MED26: variants seen among roughly 807,000 people sequenced by gnomAD.
MED26 encodes the protein mediator complex subunit 26.
Under a neutral mutation model 43.7 loss-of-function variants are expected in MED26, and 7 were observed. That is an observed-to-expected ratio of 0.16 (90% CI 0.09 to 0.30). MED26 has a LOEUF of 0.30. Ranked by LOEUF, MED26 falls within the 10% of genes least tolerant of loss-of-function variation. MED26 has a pLI of 1.00. For missense variants in MED26, 784 were observed against 840.6 expected, an observed-to-expected ratio of 0.93 and a Z score of 0.83; for synonymous variants, 375 against 371.1, an observed-to-expected ratio of 1.01 and a Z score of -0.12.
At chr19:16,595,315 G>A (rs1599338070) in intron 1 of MED26, among the ~76,000 whole-genome samples, 1 of 152,164 alleles carries the variant, frequency 6.6e-6, no homozygotes, top group Non-Finnish European at 1.5e-5. Context: ...TGTGCTGACC[G>A]AGCACACCGA....
At chr19:16,580,385 T>C (rs2086038692) in intron 1 of MED26, among the ~76,000 whole-genome samples, 2 of 152,030 alleles carry the variant, frequency 1.3e-5, no homozygotes, top group Non-Finnish European at 2.9e-5. Flanking sequence ...TTTTTTTTTT[T>C]GAGATGAAGT....
intron 1 of MED26, among the ~76,000 whole-genome samples, chr19:16,599,301 T>C (rs576132653): frequency 6.6e-6 from 1 of 152,336 alleles, no homozygotes; most frequent in South Asian, 2.1e-4. Flanking sequence ...AAAGTCCTTT[T>C]TCACGGCAGG....
In MED26 at chr19:16,577,046, G is replaced by T; in HGVS notation, c.784C>A (p.Pro262Thr). Reference sequence around the variant, plus strand: ...CGAGGGGGTCCCTTGGGATGGGGAGGCCCCGGAGTCTCGTCCACCCTGTCC... The same window carrying T: ...CGAGGGGGTCCCTTGGGATGGGGAGTCCCCGGAGTCTCGTCCACCCTGTCC... ...QLDRVDETPGPPHPKGPPRCS... is the reference protein window; with the variant it reads ...QLDRVDETPGTPHPKGPPRCS... Residue 262 changes from proline to threonine, a missense_variant, in exon 3 of 3, where the codon CCT (proline) becomes ACT (threonine). Transcript: ENST00000263390. The surrounding 1 kb of genome is among the most constrained non-coding windows in gnomAD (Gnocchi z 8.1). 6.2e-6 allele frequency: 10 copies of T among 1,608,456 alleles called. No homozygotes were observed. The highest frequency in any genetic ancestry group is 8.5e-6 in the Non-Finnish European group (10 of 1,176,150).
intron 1 of MED26, among the ~76,000 whole-genome samples, chr19:16,620,846 C>G (rs1237994433): frequency 6.6e-5 from 10 of 152,216 alleles, no homozygotes; most frequent in Admixed American, 6.5e-4. Flanking sequence ...CATTTCGAAG[C>G]ATGACTGGAT....
chr19:16,575,918 C>A lies in MED26; in HGVS notation c.*109G>T. 9.9e-7 allele frequency: 1 copy of A among 1,011,226 alleles called. No homozygotes were observed. The highest frequency in any genetic ancestry group is 1.5e-6 in the Non-Finnish European group (1 of 687,234). 62.6% of individuals were successfully genotyped at this position (1,011,226 alleles called of 1,614,324 possible). On this transcript the variant is annotated 3_prime_UTR_variant, in exon 3 of 3. Transcript: ENST00000263390. ...CCTCCCTCCCGCCTGGGCCGGACTC[C>A]CCGAGTTCCCAGCGCAGGAGGCAGC...
intron 1 of MED26, among the ~76,000 whole-genome samples, chr19:16,612,537 C>A (rs1377428914): frequency 6.6e-6 from 1 of 152,124 alleles, no homozygotes; most frequent in Non-Finnish European, 1.5e-5. Context: ...CCTCCCACCT[C>A]GGTCTCCCAA....
intron 1 of MED26, among the ~76,000 whole-genome samples, chr19:16,618,247 C>T (rs1192726672): frequency 3.3e-5 from 5 of 152,168 alleles, no homozygotes; most frequent in Admixed American, 2.0e-4. Flanking sequence ...CTCCTCATGA[C>T]CACAGGAGGC....
At position 16,586,017 on chromosome 19, in the gene MED26, C is replaced by T. The variant is rs954977956; in HGVS notation, c.73-7608G>A. Among the ~76,000 whole-genome samples the T allele has an allele frequency of 1.3e-5, 2 of 152,220 alleles. No individual in the cohort carries two copies. Among genetic ancestry groups the T allele is most frequent in the African/African-American group, 4.8e-5 (2 of 41,448 alleles). On this transcript the variant is annotated intron_variant, in intron 1 of 2. Transcript: ENST00000263390. This position sits in a 1 kb window ranked among gnomAD's most constrained non-coding sequence, Gnocchi z 5.1. The stretch of plus-strand genomic sequence containing the variant: ...GGAACTGAGACTGAGTTTTGAGTCC[C>T]AGCAGCCCCTTGGCTTGCCTCTCCA...
intron 1 of MED26, 151 bp downstream of exon 1, chr19:16,627,721 C>A (rs939786492): frequency 6.1e-6 from 3 of 492,658 alleles, no homozygotes; most frequent in African/African-American, 4.0e-5. Flanking sequence ...CGGCCCGGGC[C>A]CGAGAAGCGA....
chr19:16,576,007 CT>C lies in MED26; in HGVS notation c.*19del, dbSNP rs1568277808. Reference sequence around the variant, plus strand: ...CCGGCTTCTGCAAGATGGGAATGCACTTTGTGGCTGACAGGCCGGTCAGTCC... The same window carrying C: ...CCGGCTTCTGCAAGATGGGAATGCACTTGTGGCTGACAGGCCGGTCAGTCC... On this transcript the variant is annotated 3_prime_UTR_variant, in exon 3 of 3. Transcript: ENST00000263390. The surrounding 1 kb of genome is among the most constrained non-coding windows in gnomAD (Gnocchi z 6.8). 1 of 1,596,844 alleles carries C rather than the reference CT, an allele frequency of 6.3e-7. No individual in the cohort carries two copies. Among genetic ancestry groups the C allele is most frequent in the Non-Finnish European group, 8.6e-7 (1 of 1,168,314 alleles).
At chr19:16,589,522 A>C (rs1379082108) in intron 1 of MED26, 1 of 152,138 alleles carries the variant, frequency 6.6e-6, no homozygotes, top group Non-Finnish European at 1.5e-5. Flanking sequence ...AAACACAAAA[A>C]AACACATTTT....
Position 16,575,430 on chromosome 19 carries a change from T to G in MED26, c.*597A>C, listed in dbSNP as rs1013329423. ...CCCATGGAGTGTGGGTCACACTGGC[T>G]GGCCAGCTGGCCCGCCTGCCCAATG... On this transcript the variant is annotated 3_prime_UTR_variant, in exon 3 of 3. Transcript: ENST00000263390. 6.5e-6 allele frequency: 1 copy of G among 153,070 alleles called. No homozygotes were observed. Among genetic ancestry groups the G allele is most frequent in the Non-Finnish European group, 1.5e-5 (1 of 68,538 alleles). The allele number at this position is 153,070 out of a possible 1,614,324, so 9.5% of individuals were successfully genotyped here. A position where few individuals can be genotyped will look rare whatever the true frequency, so the allele number is the denominator to read the frequency against.
Position 16,575,905 on chromosome 19 carries a change from C to T in MED26, c.*122G>A. ...GTGACTCCCGCCCCCTCCCTCCCGC[C>T]TGGGCCGGACTCCCCGAGTTCCCAG... On this transcript the variant is annotated 3_prime_UTR_variant, in exon 3 of 3. Transcript: ENST00000263390. 1.2e-6 allele frequency: 1 copy of T among 838,942 alleles called. No individual in the cohort carries two copies. The highest frequency in any genetic ancestry group is 1.8e-6 in the Non-Finnish European group (1 of 541,586). The allele number at this position is 838,942 out of a possible 1,614,324, so 52.0% of individuals were successfully genotyped here.
At chr19:16,594,150 G>A (rs2086110095) in intron 1 of MED26, among the ~76,000 whole-genome samples, 1 of 152,258 alleles carries the variant, frequency 6.6e-6, no homozygotes. Context: ...TGGCGGCACA[G>A]TGTGGCAAGG....
intron 1 of MED26, among the ~76,000 whole-genome samples, chr19:16,581,785 G>T (rs147084803): frequency 5.6e-4 from 85 of 152,362 alleles, no homozygotes; most frequent in African/African-American, 1.8e-3. Flanking sequence ...CTTACCCTTG[G>T]CCCCTCCCCT....
At chr19:16,610,277 T>C (rs1225839798) in intron 1 of MED26, 2 of 152,008 alleles carry the variant, frequency 1.3e-5, no homozygotes, top group African/African-American at 4.8e-5. Flanking sequence ...CTCTAAAAAA[T>C]AATAATAATA....
At chr19:16,595,563 C>T (rs1290640969) in intron 1 of MED26, among the ~76,000 whole-genome samples, 1 of 152,140 alleles carries the variant, frequency 6.6e-6, no homozygotes, top group Non-Finnish European at 1.5e-5. Flanking sequence ...CCAGCAGACC[C>T]AAGAATGGAG....
At chr19:16,578,247 T>C (rs2086023428) in intron 2 of MED26, 88 bp downstream of exon 2, 1 of 1,221,608 alleles carries the variant, frequency 8.2e-7, no homozygotes, top group African/African-American at 1.5e-5. Flanking sequence ...AAGACACTGA[T>C]GCTCCCAGAA....
rs2085994299 is a variant in MED26, at chr19:16,575,992, C to G, written c.*35G>C. 1.3e-6 allele frequency: 2 copies of G among 1,577,772 alleles called. No homozygotes were observed. The highest frequency in any genetic ancestry group is 8.7e-7 in the Non-Finnish European group (1 of 1,155,894). ...TGCCTGCCCGCCCACCCGGCTTCTG[C>G]AAGATGGGAATGCACTTTGTGGCTG... On this transcript the variant is annotated 3_prime_UTR_variant, in exon 3 of 3. Transcript: ENST00000263390.
Sources: allele counts gnomAD v4.1 joint callset (sites outside exome capture counted in the v4.1 genomes callset), GRCh38; gene constraint gnomAD v4.1.1; non-coding constraint Gnocchi (gnomAD v3.1); transcripts MANE v1.5; gene names NCBI Gene and HGNC (gene_info 2026-07-23, HGNC 2026-07-21).